The following FAM174B variants were observed in gnomAD, a reference collection of about 807,000 sequenced individuals.
The protein encoded by FAM174B is family with sequence similarity 174 member B.
In FAM174B, 12 loss-of-function variants were observed where a neutral mutation model predicts 10.9. That is an observed-to-expected ratio of 1.10 (90% CI 0.71 to 1.79). FAM174B has a LOEUF of 1.79. FAM174B is among the 40% of genes most tolerant of loss of function. FAM174B has a pLI of 0.00. For missense variants in FAM174B, 266 were observed against 233.3 expected (o/e 1.14, Z -0.91); for synonymous variants, 132 against 115.8 (o/e 1.14, Z -0.90).
At chr15:92,634,007 C>T (rs1024561846) in intron 1 of FAM174B, among the ~76,000 whole-genome samples, 2 of 152,330 alleles carry the variant, frequency 1.3e-5, no homozygotes, top group African/African-American at 2.4e-5. Context: ...CCGATCTACA[C>T]GCCTTTCTCA....
chr15:92,617,818 A>C lies in FAM174B; in HGVS notation c.*1638T>G, dbSNP rs1159760967. 2.0e-6 allele frequency: 1 copy of C among 507,516 alleles called. No homozygotes were observed. Among genetic ancestry groups the C allele is most frequent in the Admixed American group, 4.0e-5 (1 of 24,962 alleles). The allele number at this position is 507,516 out of a possible 1,614,324, so 31.4% of individuals were successfully genotyped here. On this transcript the variant is annotated 3_prime_UTR_variant, in exon 3 of 3. Transcript: ENST00000327355. Reference sequence around the variant, plus strand: ...GCAAACAGATGGGGGAAAACAGAGAAGGAAAGTCAACAAAGAAGGTGAAAT... The same window carrying C: ...GCAAACAGATGGGGGAAAACAGAGACGGAAAGTCAACAAAGAAGGTGAAAT...
At chr15:92,639,607 T>A (rs1438754480) in intron 1 of FAM174B, among the ~76,000 whole-genome samples, 1 of 152,196 alleles carries the variant, frequency 6.6e-6, no homozygotes, top group African/African-American at 2.4e-5. Flanking sequence ...TAATCCCCAG[T>A]GCTGGAGGTG....
At position 92,646,318 on chromosome 15, in the gene FAM174B, T is replaced by C. The variant is rs16947139; in HGVS notation, c.344+8998A>G. Among the ~76,000 whole-genome samples, 70 of 152,226 alleles carry C rather than the reference T, an allele frequency of 4.6e-4. 1 individual carries two copies. The highest frequency in any genetic ancestry group is 1.7e-3 in the African/African-American group (69 of 41,506). ...AAATCTCCTAGTCCTCCAGCTGGAA[T>C]TGGCTTCCAAAATCCAGCTGCAATG... On this transcript the variant is annotated intron_variant, in intron 1 of 2. Coordinates refer to ENST00000327355, the MANE Select transcript of FAM174B (RefSeq NM_207446.3).
At position 92,617,532 on chromosome 15, in the gene FAM174B, T is replaced by C. The variant is rs1431862655; in HGVS notation, c.*1924A>G. ...GGAAGGTCACTTTCAGCAGCCGCCATTTCTGCCAGGACCAGTGGCAAGCAC... is the reference window on the plus strand; with the variant it reads ...GGAAGGTCACTTTCAGCAGCCGCCACTTCTGCCAGGACCAGTGGCAAGCAC... On this transcript the variant is annotated 3_prime_UTR_variant, in exon 3 of 3. Coordinates refer to ENST00000327355, the MANE Select transcript of FAM174B (RefSeq NM_207446.3). 2.0e-6 allele frequency: 1 copy of C among 505,208 alleles called. No individual in the cohort carries two copies. Among genetic ancestry groups the C allele is most frequent in the Admixed American group, 4.1e-5 (1 of 24,108 alleles). 31.3% of individuals were successfully genotyped at this position (505,208 alleles called of 1,614,324 possible).
intron 2 of FAM174B, among the ~76,000 whole-genome samples, chr15:92,620,983 T>TG (rs1421721069): frequency 2.6e-5 from 4 of 152,126 alleles, no homozygotes; most frequent in African/African-American, 4.8e-5. Flanking sequence ...TTAATAGAAT[T>TG]TACAAAATAA....
At chr15:92,627,499 C>T (rs916148005) in intron 2 of FAM174B, 10 of 156,644 alleles carry the variant, frequency 6.4e-5, no homozygotes, top group African/African-American at 1.7e-4. Context: ...ATAATATGGA[C>T]GTCTATGCCC....
chr15:92,618,036 C>G lies in FAM174B; in HGVS notation c.*1420G>C, dbSNP rs1302541712. Reference sequence around the variant, plus strand: ...ACATATCCCAACTCTTCTCAGAAAACTGAAGAACCGAAGATGGAGGTGAGT... The same window carrying G: ...ACATATCCCAACTCTTCTCAGAAAAGTGAAGAACCGAAGATGGAGGTGAGT... On this transcript the variant is annotated 3_prime_UTR_variant, in exon 3 of 3. Transcript: ENST00000327355. 2.2e-5 allele frequency: 6 copies of G among 271,016 alleles called. 1 individual carries two copies. The highest frequency in any genetic ancestry group is 4.1e-5 in the Non-Finnish European group (6 of 145,898). The allele number at this position is 271,016 out of a possible 1,614,324, so 16.8% of individuals were successfully genotyped here.
intron 1 of FAM174B, among the ~76,000 whole-genome samples, chr15:92,642,095 C>T (rs946911685): frequency 6.6e-6 from 1 of 152,144 alleles, no homozygotes; most frequent in Non-Finnish European, 1.5e-5. Context: ...CAATGCATTG[C>T]AAATTAAACA....
At chr15:92,653,636 G>A (rs562737087) in intron 1 of FAM174B, among the ~76,000 whole-genome samples, 1 of 152,386 alleles carries the variant, frequency 6.6e-6, no homozygotes, top group South Asian at 2.1e-4. Context: ...TTGGACTGAA[G>A]GATGCACAGA....
At chr15:92,634,157 C>A (rs1432566612) in intron 1 of FAM174B, 2 of 152,220 alleles carry the variant, frequency 1.3e-5, no homozygotes, top group Non-Finnish European at 2.9e-5. Flanking sequence ...AAAGAAATGT[C>A]CTTCAAACCC....
rs998157934 is a variant in FAM174B at position 92,618,659 on chromosome 15, T to A, written c.*797A>T. The A allele has an allele frequency of 4.6e-5, 7 of 153,198 alleles. No individual in the cohort carries two copies. The highest frequency in any genetic ancestry group is 1.0e-4 in the Non-Finnish European group (7 of 68,482). The allele number at this position is 153,198 out of a possible 1,614,324, so 9.5% of individuals were successfully genotyped here. A position where few individuals can be genotyped will look rare whatever the true frequency, so the allele number is the denominator to read the frequency against. On this transcript the variant is annotated 3_prime_UTR_variant, in exon 3 of 3. Coordinates refer to ENST00000327355, the MANE Select transcript of FAM174B (RefSeq NM_207446.3). Reference sequence around the variant, plus strand: ...AAAAAAGCACAAAGAATGTTGCTAATCACAGGCTGCCTAGCACTTTCCTTT... The same window carrying A: ...AAAAAAGCACAAAGAATGTTGCTAAACACAGGCTGCCTAGCACTTTCCTTT...
chr15:92,628,822 T>C (rs2050771517), intron 2 of FAM174B, among the ~76,000 whole-genome samples: 2 of 152,150 alleles, frequency 1.3e-5, no homozygotes, highest in Non-Finnish European at 2.9e-5. Flanking sequence ...GTAAAAAATA[T>C]ACATATCAAA....
chr15:92,626,604 GGT>G, intron 2 of FAM174B, among the ~76,000 whole-genome samples: 1 of 152,256 alleles, frequency 6.6e-6, no homozygotes, highest in African/African-American at 2.4e-5. Context: ...CATGGAGACT[GGT>G]CAGTGGGACA....
chr15:92,630,867 ATAT>A (rs1183147344), intron 1 of FAM174B, among the ~76,000 whole-genome samples: 2 of 49,416 alleles, frequency 4.0e-5, no homozygotes, highest in African/African-American at 9.2e-5. Context: ...TACATATTAC[ATAT>A]TATATATTAT....
At chr15:92,637,782 C>T (rs947959228) in intron 1 of FAM174B, among the ~76,000 whole-genome samples, 9 of 152,212 alleles carry the variant, frequency 5.9e-5, no homozygotes, top group Non-Finnish European at 8.8e-5. Flanking sequence ...AGAGACTACA[C>T]GGCTGTGATG....
At chr15:92,641,617 A>G (rs1469115376) in intron 1 of FAM174B, among the ~76,000 whole-genome samples, 1 of 152,242 alleles carries the variant, frequency 6.6e-6, no homozygotes, top group African/African-American at 2.4e-5. Context: ...ACTCCTATAA[A>G]TCATCTAAAA....
chr15:92,618,457 G>GT lies in FAM174B; in HGVS notation c.*998dup, dbSNP rs2050694189. ...GCAGGGACCTCCTGGGTCCTGTGGGGTCTCCTGGGTCCAGGTGGGTTCCTA... is the reference window on the plus strand; with the variant it reads ...GCAGGGACCTCCTGGGTCCTGTGGGGTTCTCCTGGGTCCAGGTGGGTTCCTA... On this transcript the variant is annotated 3_prime_UTR_variant, in exon 3 of 3. Transcript: ENST00000327355. 1 of 152,404 alleles carries GT rather than the reference G, an allele frequency of 6.6e-6. No individual in the cohort carries two copies. 9.4% of individuals were successfully genotyped at this position (152,404 alleles called of 1,614,324 possible). A position where few individuals can be genotyped will look rare whatever the true frequency, so the allele number is the denominator to read the frequency against.
At chr15:92,655,139 T>G in intron 1 of FAM174B, 177 bp downstream of exon 1, 1 of 799,088 alleles carries the variant, frequency 1.3e-6, no homozygotes, top group South Asian at 3.5e-5. Context: ...ACCAGGAAAA[T>G]CCAGACGAGC....
chr15:92,650,874 G>A (rs1187134499), intron 1 of FAM174B, among the ~76,000 whole-genome samples: 2 of 152,100 alleles, frequency 1.3e-5, no homozygotes, highest in African/African-American at 4.8e-5. Context: ...GGTACCTGTA[G>A]GACCACTCTC....
Sources: allele counts gnomAD v4.1 joint callset (sites outside exome capture counted in the v4.1 genomes callset), GRCh38; gene constraint gnomAD v4.1.1; transcripts MANE v1.5; gene names NCBI Gene and HGNC (gene_info 2026-07-23, HGNC 2026-07-21).